Variants in CTNNA2 observed in about 807,000 individuals in gnomAD.
CTNNA2 encodes catenin alpha-2.
Under a neutral mutation model 101.0 loss-of-function variants are expected in CTNNA2, and 42 were observed. The ratio of observed to expected loss-of-function variants is 0.42; its 90% CI spans 0.32 to 0.54. The LOEUF is 0.54. Among genes scored for constraint, CTNNA2 ranks in the 20% least tolerant of loss-of-function variants. CTNNA2 has a pLI of 0.14. For synonymous variants in CTNNA2, 450 were observed against 456.4 expected, an observed-to-expected ratio of 0.99 and a Z score of 0.18; for missense variants, 871 against 1,223.1, an observed-to-expected ratio of 0.71 and a Z score of 4.29.
chr2:79,686,382 C>T (rs1302475990), intron 2 of CTNNA2, among the ~76,000 whole-genome samples: 1 of 152,156 alleles, frequency 6.6e-6, no homozygotes. Flanking sequence ...AAACTTCCTG[C>T]TCAACCCTCT....
chr2:79,640,074 T>C (rs1486519976), intron 1 of CTNNA2, among the ~76,000 whole-genome samples: 1 of 151,612 alleles, frequency 6.6e-6, no homozygotes, highest in Non-Finnish European at 1.5e-5. Flanking sequence ...AGATCTCTGT[T>C]CCTGAATGCA....
chr2:79,973,249 A>T (rs948994174), intron 7 of CTNNA2, among the ~76,000 whole-genome samples: 11 of 152,068 alleles, frequency 7.2e-5, no homozygotes, highest in African/African-American at 2.7e-4. Context: ...TCAATGGCTG[A>T]TGTTAGCACG....
At chr2:80,131,516 G>C (rs1288510805) in intron 7 of CTNNA2, among the ~76,000 whole-genome samples, 1 of 152,102 alleles carries the variant, frequency 6.6e-6, no homozygotes, top group Non-Finnish European at 1.5e-5. Context: ...AGAGATTTTT[G>C]TTCTTAGAGG....
chr2:79,632,683 C>CT (rs1463632135), intron 1 of CTNNA2, among the ~76,000 whole-genome samples: 3 of 152,172 alleles, frequency 2.0e-5, no homozygotes, highest in Non-Finnish European at 4.4e-5. Flanking sequence ...TTATGTGGGA[C>CT]TTTAACATTG....
At chr2:79,969,611 A>G (rs1690330539) in intron 7 of CTNNA2, among the ~76,000 whole-genome samples, 1 of 152,204 alleles carries the variant, frequency 6.6e-6, no homozygotes, top group Admixed American at 6.5e-5. Flanking sequence ...ATGAGAACTT[A>G]AGGAGACCAC....
chr2:79,264,065 T>A (rs1194486132), intron 2 of CTNNA2, among the ~76,000 whole-genome samples: 1 of 152,122 alleles, frequency 6.6e-6, no homozygotes, highest in African/African-American at 2.4e-5. Context: ...TAAAGAAATG[T>A]AAGTGAGTGG....
intron 6 of CTNNA2, among the ~76,000 whole-genome samples, chr2:79,888,677 G>A (rs1017683129): frequency 2.6e-5 from 4 of 151,878 alleles, no homozygotes; most frequent in Admixed American, 2.0e-4. Context: ...TTCCAATCTT[G>A]GGTTATTTCT....
intron 15 of CTNNA2, among the ~76,000 whole-genome samples, chr2:80,591,847 CATTAT>C (rs1558623312): frequency 6.6e-6 from 1 of 152,102 alleles, no homozygotes; most frequent in African/African-American, 2.4e-5. Flanking sequence ...GGTTCTGCCT[CATTAT>C]ATGTGTAATA....
intron 7 of CTNNA2, among the ~76,000 whole-genome samples, chr2:80,211,599 A>G (rs1042526783): frequency 1.3e-5 from 2 of 152,226 alleles, no homozygotes; most frequent in East Asian, 3.8e-4. Context: ...TACCAGGACC[A>G]TGCTATTTTG....
chr2:79,907,825 A>C (rs907040384), intron 6 of CTNNA2, among the ~76,000 whole-genome samples: 3 of 152,232 alleles, frequency 2.0e-5, no homozygotes, highest in African/African-American at 7.2e-5. Flanking sequence ...GATTTTCTAA[A>C]AAATCCAAGA....
Position 79,987,294 on chromosome 2 carries a change from A to G in CTNNA2, c.1056+77497A>G, listed in dbSNP as rs149672921. 3.2e-4 allele frequency among the ~76,000 whole-genome samples: 49 copies of G among 152,298 alleles called. No individual in the cohort carries two copies. In the East Asian group the frequency reaches 7.5e-3, roughly 23 times the overall value. Reference sequence around the variant, plus strand: ...AGGATCACACTTCCCGTGTTCCTCCATATCTTCCTTTATCTCCAGCTTGCT... The same window carrying G: ...AGGATCACACTTCCCGTGTTCCTCCGTATCTTCCTTTATCTCCAGCTTGCT... On this transcript the variant is annotated intron_variant, in intron 7 of 18. Transcript: ENST00000402739.
chr2:79,854,007 A>G (rs1349777550), intron 3 of CTNNA2, among the ~76,000 whole-genome samples: 2 of 152,158 alleles, frequency 1.3e-5, no homozygotes, highest in African/African-American at 4.8e-5. Flanking sequence ...ACTGGCATGC[A>G]TCATTCCACA....
At chr2:80,191,331 CT>C (rs1706486131) in intron 7 of CTNNA2, among the ~76,000 whole-genome samples, 1 of 152,222 alleles carries the variant, frequency 6.6e-6, no homozygotes, top group African/African-American at 2.4e-5. Flanking sequence ...ATTAAGTCTT[CT>C]CTTCCTTATT....
At chr2:79,998,918 T>C (rs999246303) in intron 7 of CTNNA2, among the ~76,000 whole-genome samples, 1 of 152,136 alleles carries the variant, frequency 6.6e-6, no homozygotes, top group Non-Finnish European at 1.5e-5. Flanking sequence ...ACACTCTCCA[T>C]GTAAGGAGTC....
intron 7 of CTNNA2, among the ~76,000 whole-genome samples, chr2:80,232,228 C>T (rs1345969215): frequency 6.6e-6 from 1 of 152,052 alleles, no homozygotes; most frequent in Non-Finnish European, 1.5e-5. Context: ...CACTTTGCCA[C>T]ATGTTCCCAG....
chr2:79,742,369 A>G (rs2104979647), intron 2 of CTNNA2, among the ~76,000 whole-genome samples: 1 of 152,296 alleles, frequency 6.6e-6, no homozygotes, highest in African/African-American at 2.4e-5. Context: ...ATAGATTATG[A>G]AACATCTTAG....
At chr2:79,737,093 A>T (rs1670934498) in intron 2 of CTNNA2, among the ~76,000 whole-genome samples, 2 of 152,178 alleles carry the variant, frequency 1.3e-5, no homozygotes, top group Non-Finnish European at 2.9e-5. Context: ...CATGCCAGTA[A>T]TCCCAGCTCT....
chr2:80,609,853 C>G lies in CTNNA2; in HGVS notation c.2430+1535C>G, dbSNP rs567683098. On this transcript the variant is annotated intron_variant, in intron 17 of 18. Transcript: ENST00000402739. ...TTTTACTAGCAGAGCCGCTCTCCAT[C>G]ATCCTCTCAGTACCCATTGTTTGTC... 4.6e-5 allele frequency among the ~76,000 whole-genome samples: 7 copies of G among 151,870 alleles called. No individual in the cohort carries two copies. The South Asian group carries it at 8.3e-4, about 18-fold the overall frequency.
chr2:79,698,746 G>T (rs76174743), intron 2 of CTNNA2, among the ~76,000 whole-genome samples: 3 of 152,038 alleles, frequency 2.0e-5, no homozygotes, highest in Admixed American at 1.3e-4. Flanking sequence ...TTGCATATGG[G>T]TGCATGGTGT....
Sources: gnomAD v4.1 joint callset for allele counts (sites outside exome capture counted in the v4.1 genomes callset) on GRCh38, gnomAD v4.1.1 for gene constraint, MANE v1.5 for transcripts, NCBI Gene and HGNC (gene_info 2026-07-23, HGNC 2026-07-21) for gene names.